Variants in KPNA3 observed in about 807,000 individuals in gnomAD.
The protein encoded by KPNA3 is karyopherin subunit alpha 3.
A neutral mutation model predicts 73.8 loss-of-function variants in KPNA3; 13 were observed. That is an observed-to-expected ratio of 0.18 (90% CI 0.11 to 0.28). The LOEUF is 0.28. Among genes scored for constraint, KPNA3 ranks in the 10% least tolerant of loss-of-function variants. KPNA3 has a pLI of 1.00. For synonymous variants in KPNA3, 186 were observed against 206.9 expected, an observed-to-expected ratio of 0.90 and a Z score of 0.87; for missense variants, 360 against 618.1, an observed-to-expected ratio of 0.58 and a Z score of 4.43.
intron 6 of KPNA3, among the ~76,000 whole-genome samples, chr13:49,728,957 T>A (rs1299561779): frequency 6.6e-6 from 1 of 152,158 alleles, no homozygotes; most frequent in Non-Finnish European, 1.5e-5. Flanking sequence ...AAAAACAACC[T>A]GTAAAGGGCA....
chr13:49,741,005 C>T (rs1472670830), intron 2 of KPNA3, among the ~76,000 whole-genome samples: 1 of 152,130 alleles, frequency 6.6e-6, no homozygotes, highest in Non-Finnish European at 1.5e-5. Flanking sequence ...AAAAAGTATT[C>T]CACTATGTAT....
At chr13:49,756,173 G>A (rs576501646) in intron 1 of KPNA3, among the ~76,000 whole-genome samples, 2 of 152,260 alleles carry the variant, frequency 1.3e-5, no homozygotes, top group Admixed American at 1.3e-4. Flanking sequence ...ACTGGGGAGG[G>A]TGAGGTAGCA....
intron 1 of KPNA3, among the ~76,000 whole-genome samples, chr13:49,757,557 G>A (rs1053616656): frequency 6.6e-6 from 1 of 152,102 alleles, no homozygotes. Context: ...GGTGAGTATG[G>A]AGAGTTTTCA....
Position 49,704,424 on chromosome 13 carries a change from AAATAAATAAAAAATAAAT to A in KPNA3, c.1372+1179_1372+1196del, listed in dbSNP as rs1566330746. On this transcript the variant is annotated intron_variant, in intron 15 of 16. Transcript: ENST00000261667. ...CGAAACTCTGTCTCAAAAAAAAAAT[AAATAAATAAAAAATAAAT>A]AAATAAATAAATAAATAAATAAATA... 2.5e-3 allele frequency among the ~76,000 whole-genome samples: 256 copies of A among 101,362 alleles called. 2 individuals are homozygous for A. Among genetic ancestry groups the A allele is most frequent in the South Asian group, 0.014 (35 of 2,422 alleles). 66.5% of individuals were successfully genotyped at this position (101,362 alleles called of 152,430 possible).
chr13:49,760,223 A>G (rs1008187397), intron 1 of KPNA3, among the ~76,000 whole-genome samples: 1 of 152,132 alleles, frequency 6.6e-6, no homozygotes, highest in African/African-American at 2.4e-5. Context: ...CAGCCTGGGC[A>G]ACATGATGAA....
At chr13:49,740,264 T>A (rs989259289) in intron 2 of KPNA3, among the ~76,000 whole-genome samples, 11 of 151,282 alleles carry the variant, frequency 7.3e-5, no homozygotes, top group African/African-American at 2.7e-4. Flanking sequence ...AAAAAAAAAA[T>A]TAACACATGC....
At chr13:49,709,343 G>A (rs1312898303) in intron 12 of KPNA3, among the ~76,000 whole-genome samples, 3 of 149,668 alleles carry the variant, frequency 2.0e-5, no homozygotes, top group Non-Finnish European at 4.4e-5. Context: ...AGAGGTTGCA[G>A]TGAGCCGAGA....
intron 15 of KPNA3, among the ~76,000 whole-genome samples, chr13:49,702,875 T>C (rs1954160537): frequency 6.6e-6 from 1 of 152,224 alleles, no homozygotes; most frequent in Admixed American, 6.5e-5. Flanking sequence ...ATCTATTTTT[T>C]TTTTGAGACG....
intron 12 of KPNA3, among the ~76,000 whole-genome samples, chr13:49,707,800 G>C (rs576842405): frequency 4.9e-4 from 74 of 151,870 alleles, no homozygotes; most frequent in Non-Finnish European, 3.8e-4. Context: ...TGGAACAAAT[G>C]TATCTATAAA....
intron 2 of KPNA3, among the ~76,000 whole-genome samples, chr13:49,733,256 A>G (rs1249763444): frequency 6.8e-6 from 1 of 146,864 alleles, no homozygotes; most frequent in Admixed American, 6.9e-5. Context: ...TTACACACAC[A>G]CACTTCATTA....
At chr13:49,765,449 C>T (rs1316430886) in intron 1 of KPNA3, among the ~76,000 whole-genome samples, 2 of 152,172 alleles carry the variant, frequency 1.3e-5, no homozygotes. Flanking sequence ...AGTATACATA[C>T]AATTCAATGG....
chr13:49,779,666 C>T lies in KPNA3; in HGVS notation c.69+12772G>A, dbSNP rs1480665843. Among the ~76,000 whole-genome samples, 6 of 152,306 alleles carry T rather than the reference C, an allele frequency of 3.9e-5. No homozygotes were observed. The South Asian group carries it at 6.2e-4, about 16-fold the overall frequency. ...AAATAAAAAACAAACGAACAGCCTT[C>T]TTTCCACCCTACGTCTTCCTCAAGC... is the stretch of plus-strand genomic sequence containing the variant. On this transcript the variant is annotated intron_variant, in intron 1 of 16. Coordinates refer to ENST00000261667, the MANE Select transcript of KPNA3 (RefSeq NM_002267.4).
At chr13:49,742,002 C>A (rs1339385176) in intron 2 of KPNA3, among the ~76,000 whole-genome samples, 1 of 152,134 alleles carries the variant, frequency 6.6e-6, no homozygotes, top group Admixed American at 6.5e-5. Flanking sequence ...CCTGTGTTTT[C>A]TTCCAGTAGT....
At chr13:49,779,734 T>C (rs1355722041) in intron 1 of KPNA3, among the ~76,000 whole-genome samples, 2 of 152,140 alleles carry the variant, frequency 1.3e-5, no homozygotes, top group Non-Finnish European at 2.9e-5. Context: ...AATATTTAAA[T>C]CAAAGCTCTA....
chr13:49,710,559 A>G (rs1954250666), intron 11 of KPNA3, among the ~76,000 whole-genome samples: 1 of 152,248 alleles, frequency 6.6e-6, no homozygotes, highest in African/African-American at 2.4e-5. Context: ...TTTCTAGCTT[A>G]GGCCATGCTG....
chr13:49,761,089 C>T (rs977778744), intron 1 of KPNA3, among the ~76,000 whole-genome samples: 1 of 152,178 alleles, frequency 6.6e-6, no homozygotes, highest in African/African-American at 2.4e-5. Flanking sequence ...TTCTGAAAGA[C>T]GTCATACTTT....
chr13:49,761,210 C>T (rs1328844224), intron 1 of KPNA3, among the ~76,000 whole-genome samples: 1 of 151,972 alleles, frequency 6.6e-6, no homozygotes, highest in African/African-American at 2.4e-5. Context: ...CCCTCTCCCT[C>T]TCCCTCTCCC....
At chr13:49,746,293 A>T (rs1024044906) in intron 2 of KPNA3, among the ~76,000 whole-genome samples, 1 of 152,004 alleles carries the variant, frequency 6.6e-6, no homozygotes, top group African/African-American at 2.4e-5. Context: ...ACAAAAAATA[A>T]ACAAAAATTA....
At chr13:49,729,522 C>T (rs376644580) in intron 6 of KPNA3, among the ~76,000 whole-genome samples, 51 of 152,308 alleles carry the variant, frequency 3.3e-4, no homozygotes, top group East Asian at 2.1e-3. Context: ...CGGTGGCTCA[C>T]GCCTGTAATC....
Sources: allele counts gnomAD v4.1 joint callset (sites outside exome capture counted in the v4.1 genomes callset), GRCh38; gene constraint gnomAD v4.1.1; transcripts MANE v1.5; gene names NCBI Gene and HGNC (gene_info 2026-07-23, HGNC 2026-07-21).